The following ANKRD36C variants were observed in gnomAD, a reference collection of about 807,000 sequenced individuals.
The protein encoded by ANKRD36C is ankyrin repeat domain 36C.
Under a neutral mutation model 276.4 loss-of-function variants are expected in ANKRD36C, and 61 were observed. That is an observed-to-expected ratio of 0.22 (90% CI 0.18 to 0.27). The LOEUF is 0.27. Among genes scored for constraint, ANKRD36C ranks in the 10% least tolerant of loss-of-function variants. ANKRD36C has a pLI of 1.00. For synonymous variants in ANKRD36C, 483 were observed against 680.1 expected, an observed-to-expected ratio of 0.71 and a Z score of 4.51; for missense variants, 1,447 against 2,032.3, an observed-to-expected ratio of 0.71 and a Z score of 5.54.
chr2:95,946,102 C>CAA (rs982926683), intron 17 of ANKRD36C, among the ~76,000 whole-genome samples: 2 of 129,206 alleles, frequency 1.5e-5, no homozygotes, highest in Non-Finnish European at 3.1e-5. Context: ...CATGATCATT[C>CAA]ACCTGAAAGC....
chr2:95,891,817 T>C lies in ANKRD36C; in HGVS notation c.2784+15A>G, dbSNP rs1175831173. ...TACATTTACTAGTTCACAATATAAA[T>C]GACAGTTTCATTACCTTCAAGCCTG... On this transcript the variant is annotated intron_variant, in intron 45 of 66. Coordinates refer to ENST00000456556, the Ensembl canonical transcript of ANKRD36C. The C allele has an allele frequency of 6.4e-7, 1 of 1,559,616 alleles. No individual in the cohort carries two copies. The highest frequency in any genetic ancestry group is 1.2e-5 in the South Asian group (1 of 84,958).
intron 42 of ANKRD36C, among the ~76,000 whole-genome samples, chr2:95,908,172 A>G (rs1390693799): frequency 4.7e-5 from 7 of 149,120 alleles, no homozygotes; most frequent in African/African-American, 1.2e-4. Flanking sequence ...TAAATTCTAT[A>G]CTTCCTCTCT....
At chr2:95,970,157 C>T (rs1678670122) in intron 6 of ANKRD36C, among the ~76,000 whole-genome samples, 1 of 152,104 alleles carries the variant, frequency 6.6e-6, no homozygotes, top group Non-Finnish European at 1.5e-5. Flanking sequence ...ACACAGGATA[C>T]AGAGCAGGGT....
chr2:95,938,044 T>C lies in ANKRD36C; in HGVS notation c.1633+785A>G, dbSNP rs369834807. 6.6e-5 allele frequency among the ~76,000 whole-genome samples: 10 copies of C among 152,240 alleles called. 1 individual carries two copies. The highest frequency in any genetic ancestry group is 3.9e-4 in the East Asian group (2 of 5,186). On this transcript the variant is annotated intron_variant, in intron 22 of 66. Transcript: ENST00000456556. Reference sequence around the variant, plus strand: ...ACAGATCTGAAATATATTCCACTGATTACAAAAGCCGAGTTGCAGCTATTA... The same window carrying C: ...ACAGATCTGAAATATATTCCACTGACTACAAAAGCCGAGTTGCAGCTATTA...
At chr2:95,916,891 T>C (rs972444270) in intron 36 of ANKRD36C, among the ~76,000 whole-genome samples, 14 of 151,632 alleles carry the variant, frequency 9.2e-5, no homozygotes, top group African/African-American at 3.4e-4. Context: ...TTGACATACG[T>C]ATACAAAGTA....
At chr2:95,985,110 G>C (rs1272339782) in intron 3 of ANKRD36C, among the ~76,000 whole-genome samples, 3 of 152,200 alleles carry the variant, frequency 2.0e-5, no homozygotes, top group Non-Finnish European at 2.9e-5. Flanking sequence ...AGTCCTGAAA[G>C]AGTCAGTCTC....
intron 34 of ANKRD36C, among the ~76,000 whole-genome samples, 182 bp from the exon 37 acceptor site, chr2:95,918,224 G>T (rs997478617): frequency 1.6e-4 from 24 of 151,584 alleles, no homozygotes; most frequent in Non-Finnish European, 2.5e-4. Context: ...GGGAATACAG[G>T]CTCCATCAAA....
intron 42 of ANKRD36C, among the ~76,000 whole-genome samples, chr2:95,902,080 A>T (rs1024685613): frequency 6.7e-6 from 1 of 148,572 alleles, no homozygotes; most frequent in African/African-American, 2.5e-5. Flanking sequence ...GTATCGTGTT[A>T]TTCTCTAAAG....
chr2:95,886,057 G>A lies in ANKRD36C; in HGVS notation c.3154C>T (p.Arg1052Cys), dbSNP rs767455023. ...GTGTATTCCAAAATACCTGTCCCACGTATTTGTCCATCCTTTATCTCTGTG... is the reference window on the plus strand; with the variant it reads ...GTGTATTCCAAAATACCTGTCCCACATATTTGTCCATCCTTTATCTCTGTG... Residue 1052 changes from arginine to cysteine, a missense_variant, in exon 52 of 67, where the codon CGT (arginine) becomes TGT (cysteine). Arg to Cys is a radical substitution (Grantham distance 180, BLOSUM62 -3). Transcript: ENST00000456556. 6 of 1,610,116 alleles carry A rather than the reference G, an allele frequency of 3.7e-6. No homozygotes were observed. The East Asian group carries it at 6.7e-5, about 18-fold the overall frequency.
In ANKRD36C at chr2:95,948,576, CG is replaced by C; in HGVS notation, c.1315del (p.Arg439ValfsTer6). On this transcript the variant is annotated frameshift_variant, in exon 17 of 67. Coordinates refer to ENST00000456556, the Ensembl canonical transcript of ANKRD36C. LOFTEE classifies it high-confidence loss of function. ...ATCCTTTGTCACAGCCTGTGCAAAA[CG>C]GTCCAGTAGGTAGAGACACCTACAG... The C allele has an allele frequency of 6.5e-7, 1 of 1,535,434 alleles. No homozygotes were observed. The highest frequency in any genetic ancestry group is 8.7e-7 in the Non-Finnish European group (1 of 1,145,890).
At chr2:95,885,559 T>A (rs1169832720) in intron 52 of ANKRD36C, among the ~76,000 whole-genome samples, 2 of 151,932 alleles carry the variant, frequency 1.3e-5, no homozygotes. Context: ...AAATAACTTC[T>A]TCTTTTCTCT....
chr2:95,916,846 T>A (rs1558638896), intron 36 of ANKRD36C, among the ~76,000 whole-genome samples: 1 of 151,616 alleles, frequency 6.6e-6, no homozygotes, highest in Non-Finnish European at 1.5e-5. Flanking sequence ...AGGATAATAT[T>A]TTAGACTCGA....
At chr2:95,886,069 C>T (rs773772856) in exon 52 of ANKRD36C, 5 of 1,611,062 alleles carry the variant, frequency 3.1e-6, no homozygotes, top group East Asian at 4.5e-5. Flanking sequence ...ATTTGTCCAT[C>T]CTTTATCTCT....
At chr2:95,914,466 C>T (rs1677031940) in intron 38 of ANKRD36C, among the ~76,000 whole-genome samples, 163 bp from the exon 41 acceptor site, 1 of 151,390 alleles carries the variant, frequency 6.6e-6, no homozygotes, top group African/African-American at 2.4e-5. Context: ...TAGAAATACG[C>T]TGAGAAACGG....
At chr2:95,881,167 G>C (rs1441808291) in intron 56 of ANKRD36C, among the ~76,000 whole-genome samples, 2 of 152,052 alleles carry the variant, frequency 1.3e-5, no homozygotes, top group South Asian at 4.2e-4. Context: ...TATATGTTTG[G>C]TGAATCCTAG....
At chr2:95,985,784 A>C (rs2579530) in intron 3 of ANKRD36C, among the ~76,000 whole-genome samples, 1 of 152,162 alleles carries the variant, frequency 6.6e-6, no homozygotes, top group Non-Finnish European at 1.5e-5. Flanking sequence ...ATTCACTGAA[A>C]ACTTCATTTA....
Position 95,867,349 on chromosome 2 carries a change from ATATCAGTACTC to A in ANKRD36C, c.3682+80_3682+90del, listed in dbSNP as rs1227588905. The A allele has an allele frequency of 5.2e-5, 31 of 594,658 alleles. 1 individual carries two copies. In the Admixed American group the frequency reaches 9.2e-4, roughly 18 times the overall value. The allele number at this position is 594,658 out of a possible 1,614,324, so 36.8% of individuals were successfully genotyped here. A position where few individuals can be genotyped will look rare whatever the true frequency, so the allele number is the denominator to read the frequency against. On this transcript the variant is annotated intron_variant, in intron 60 of 66. Transcript: ENST00000456556. ...TTTCTGAGATGAACATTCTTGTAAC[ATATCAGTACTC>A]TATGGTACAGTGTTAAGCAATGTGT...
At chr2:95,929,415 G>A (rs977716874) in intron 24 of ANKRD36C, 148 bp from the exon 25 acceptor site, 2 of 616,160 alleles carry the variant, frequency 3.2e-6, no homozygotes, top group African/African-American at 3.7e-5. Context: ...TGTTTCTTGG[G>A]ACTAAACATG....
chr2:95,949,036 A>G (rs1312381982), intron 16 of ANKRD36C, among the ~76,000 whole-genome samples: 1 of 152,142 alleles, frequency 6.6e-6, no homozygotes, highest in Non-Finnish European at 1.5e-5. Flanking sequence ...CTTCTCCATT[A>G]TCTATTTCTG....
Sources: allele counts gnomAD v4.1 joint callset (sites outside exome capture counted in the v4.1 genomes callset), GRCh38; gene constraint gnomAD v4.1.1; transcripts MANE v1.5; gene names NCBI Gene and HGNC (gene_info 2026-07-23, HGNC 2026-07-21).